The following SEC31A variants were observed in gnomAD, a reference collection of about 807,000 sequenced individuals.
The protein encoded by SEC31A is SEC31 homolog A, COPII component, also known as protein transport protein Sec31A.
SEC31A carries 70 observed loss-of-function variants against 151.0 expected under a neutral mutation model. That is an observed-to-expected ratio of 0.46 (90% CI 0.38 to 0.57). The LOEUF (loss-of-function observed/expected upper bound fraction) is 0.57. Ranked by LOEUF, SEC31A falls within the 20% of genes least tolerant of loss-of-function variation. The pLI is 0.00. For synonymous variants in SEC31A, 475 were observed against 505.9 expected, an observed-to-expected ratio of 0.94 and a Z score of 0.82; for missense variants, 1,330 against 1,471.2, an observed-to-expected ratio of 0.90 and a Z score of 1.57.
intron 21 of SEC31A, 173 bp downstream of exon 21, chr4:82,844,213 G>A (rs1367560993): frequency 3.3e-6 from 2 of 608,274 alleles, no homozygotes; most frequent in African/African-American, 1.9e-5. Context: ...TCCTAGCATA[G>A]TGATTCAGGC....
intron 1 of SEC31A, among the ~76,000 whole-genome samples, chr4:82,887,370 A>G (rs1447709945): frequency 6.6e-6 from 1 of 151,528 alleles, no homozygotes; most frequent in Non-Finnish European, 1.5e-5. Flanking sequence ...TTAGTACTCA[A>G]TGTTCTAAGA....
intron 22 of SEC31A, among the ~76,000 whole-genome samples, chr4:82,830,633 A>C (rs761239761): frequency 2.6e-5 from 4 of 152,230 alleles, no homozygotes; most frequent in Admixed American, 6.5e-5. Context: ...TACATAGATT[A>C]ATCATTCAAA....
At chr4:82,882,022 T>C in intron 1 of SEC31A, 82 bp from the exon 2 acceptor site, 8 of 1,084,758 alleles carry the variant, frequency 7.4e-6, no homozygotes, top group Non-Finnish European at 1.1e-5. Context: ...AATAGAAACA[T>C]ACTGAACAAA....
At chr4:82,856,858 C>T (rs1732801103) in intron 16 of SEC31A, 94 bp downstream of exon 16, 1 of 1,039,528 alleles carries the variant, frequency 9.6e-7, no homozygotes, top group Non-Finnish European at 1.4e-6. Context: ...AAATTCTTTA[C>T]TGGTTTCTGC....
chr4:82,891,233 C>T, upstream of SEC31A: 16 of 1,457,046 alleles, frequency 1.1e-5, no homozygotes, highest in Non-Finnish European at 1.5e-5. Flanking sequence ...CCACGCCCTG[C>T]GCCCAACACT....
chr4:82,865,583 T>TATATACAC (rs1560638362), intron 10 of SEC31A, among the ~76,000 whole-genome samples: 1 of 99,692 alleles, frequency 1.0e-5, no homozygotes, highest in African/African-American at 3.5e-5. Context: ...TATATATATA[T>TATATACAC]ACAATGCAAT....
intron 25 of SEC31A, among the ~76,000 whole-genome samples, chr4:82,821,949 A>C (rs901474726): frequency 5.9e-5 from 9 of 152,234 alleles, no homozygotes; most frequent in Non-Finnish European, 1.3e-4. Flanking sequence ...GCACCAAGAA[A>C]GAAAGAAAAC....
chr4:82,822,557 T>C (rs569238400), intron 25 of SEC31A, among the ~76,000 whole-genome samples: 30 of 152,308 alleles, frequency 2.0e-4, no homozygotes, highest in Middle Eastern at 6.8e-3. Context: ...CCAAGTTGTG[T>C]GGCAAAATTA....
At chr4:82,839,371 G>A (rs1431683809) in intron 22 of SEC31A, among the ~76,000 whole-genome samples, 2 of 151,976 alleles carry the variant, frequency 1.3e-5, no homozygotes, top group Non-Finnish European at 2.9e-5. Context: ...GGCTGGTCTT[G>A]AACTCCTGAC....
At chr4:82,879,970 G>A (rs1738905530) in intron 3 of SEC31A, among the ~76,000 whole-genome samples, 1 of 152,120 alleles carries the variant, frequency 6.6e-6, no homozygotes, top group African/African-American at 2.4e-5. Context: ...TCCTTTTCTA[G>A]TCACATCTAC....
intron 3 of SEC31A, among the ~76,000 whole-genome samples, chr4:82,898,230 TAGA>T (rs1206708858): frequency 3.9e-5 from 6 of 152,316 alleles, no homozygotes; most frequent in South Asian, 4.1e-4. Context: ...ATGAAGTTAC[TAGA>T]AGAAGCAATG....
intron 8 of SEC31A, among the ~76,000 whole-genome samples, chr4:82,869,521 C>T (rs1373862067): frequency 1.3e-5 from 2 of 152,032 alleles, no homozygotes; most frequent in Non-Finnish European, 2.9e-5. Context: ...AAAAATTCAT[C>T]TAATTAAATT....
intron 12 of SEC31A, 42 bp downstream of exon 12, chr4:82,863,276 G>A (rs1477868635): frequency 6.5e-6 from 7 of 1,071,420 alleles, no homozygotes; most frequent in Non-Finnish European, 7.0e-6. Context: ...TTAAAAGTAT[G>A]ATTCATAAAG....
intron 12 of SEC31A, 86 bp from the exon 13 acceptor site, chr4:82,862,658 G>A (rs938803776): frequency 4.6e-5 from 53 of 1,164,322 alleles, no homozygotes; most frequent in East Asian, 1.2e-4. Flanking sequence ...TCTCACTGGC[G>A]AAAATCCACA....
chr4:82,848,123 ATGAAGGT>A (rs892450253), intron 20 of SEC31A, among the ~76,000 whole-genome samples: 1 of 152,186 alleles, frequency 6.6e-6, no homozygotes, highest in Non-Finnish European at 1.5e-5. Context: ...ATTTAAGTAC[ATGAAGGT>A]TATCTGCTGG....
intron 8 of SEC31A, among the ~76,000 whole-genome samples, chr4:82,868,352 T>C (rs1735851442): frequency 6.6e-6 from 1 of 151,518 alleles, no homozygotes; most frequent in South Asian, 2.1e-4. Flanking sequence ...ATACAAAATA[T>C]TGGCCAGGCA....
chr4:82,824,453 C>T, intron 25 of SEC31A, 102 bp downstream of exon 25: 13 of 1,256,178 alleles, frequency 1.0e-5, no homozygotes, highest in South Asian at 1.5e-5. Flanking sequence ...GATCCACCTA[C>T]CTCGGCCTCC....
At chr4:82,855,260 T>C (rs1264570423) in intron 16 of SEC31A, among the ~76,000 whole-genome samples, 1 of 152,098 alleles carries the variant, frequency 6.6e-6, no homozygotes, top group Non-Finnish European at 1.5e-5. Context: ...AAATATAAGG[T>C]GCTATCAGAA....
chr4:82,842,028 C>T, intron 22 of SEC31A, 112 bp downstream of exon 22: 2 of 866,792 alleles, frequency 2.3e-6, no homozygotes, highest in Non-Finnish European at 1.7e-6. Context: ...CCTCAGTCAA[C>T]ACCTCACATT....
Sources: gnomAD v4.1 joint callset for allele counts (sites outside exome capture counted in the v4.1 genomes callset) on GRCh38, gnomAD v4.1.1 for gene constraint, MANE v1.5 for transcripts, NCBI Gene and HGNC (gene_info 2026-07-23, HGNC 2026-07-21) for gene names.